The following GANC variants were observed in gnomAD, a reference collection of about 807,000 sequenced individuals.
GANC encodes neutral alpha-glucosidase C.
Under a neutral mutation model 124.2 loss-of-function variants are expected in GANC, and 117 were observed. The observed-to-expected ratio is 0.94, with a 90% CI of 0.81 to 1.10. The LOEUF (loss-of-function observed/expected upper bound fraction) is 1.10, where lower values mean the gene tolerates loss of function less well. Among genes scored for constraint, GANC ranks in the 50% least tolerant of loss-of-function variants. The pLI, the probability that GANC is intolerant of heterozygous loss-of-function variation, is 0.00. For missense variants in GANC, 1,140 were observed against 1,095.0 expected, an observed-to-expected ratio of 1.04 and a Z score of -0.58; for synonymous variants, 377 against 376.8, an observed-to-expected ratio of 1.00 and a Z score of -0.01.
intron 12 of GANC, 131 bp from the exon 13 acceptor site, chr15:42,327,231 CT>C: frequency 1.6e-6 from 1 of 642,436 alleles, no homozygotes; most frequent in Admixed American, 2.6e-5. Flanking sequence ...CAGACCATGC[CT>C]CTGTCAGCCA....
Position 42,346,772 on chromosome 15 carries a change from T to G in GANC, c.2304+940T>G, listed in dbSNP as rs538529786. Among the ~76,000 whole-genome samples the G allele has an allele frequency of 7.9e-5, 12 of 152,288 alleles. No individual in the cohort carries two copies. The South Asian group carries it at 2.5e-3, about 32-fold the overall frequency. ...TGGGCCCAGGGGAATGCATCAGTTA[T>G]GATGTTAAAATCAAAGTGGTCCATC... On this transcript the variant is annotated intron_variant, in intron 20 of 23. Transcript: ENST00000318010.
rs202199474 is a variant in GANC, at chr15:42,334,280, G to A, written c.1741+3608G>A. ...GGGTTCAAGTGATTCTCCTGCCTCAGCCTCCTGAGTGGCTGGGATTACAGG... is the reference window on the plus strand; with the variant it reads ...GGGTTCAAGTGATTCTCCTGCCTCAACCTCCTGAGTGGCTGGGATTACAGG... On this transcript the variant is annotated intron_variant, in intron 15 of 23. Coordinates refer to ENST00000318010, the MANE Select transcript of GANC (RefSeq NM_198141.3). Among the ~76,000 whole-genome samples, 591 of 151,982 alleles carry A rather than the reference G, an allele frequency of 3.9e-3. 19 individuals carry two copies. In the East Asian group the frequency reaches 0.054, roughly 14 times the overall value.
chr15:42,316,187 T>C (rs560049807), intron 10 of GANC, among the ~76,000 whole-genome samples: 1 of 152,256 alleles, frequency 6.6e-6, no homozygotes, highest in South Asian at 2.1e-4. Context: ...TTATTCACAA[T>C]TGTAGGGTCC....
At chr15:42,322,628 G>A (rs1380282553) in intron 11 of GANC, among the ~76,000 whole-genome samples, 1 of 152,082 alleles carries the variant, frequency 6.6e-6, no homozygotes, top group Non-Finnish European at 1.5e-5. Flanking sequence ...GGAGTAGCAG[G>A]GCTTGAAAAC....
chr15:42,294,129 T>C (rs1209979324), intron 5 of GANC, among the ~76,000 whole-genome samples: 1 of 151,638 alleles, frequency 6.6e-6, no homozygotes, highest in Non-Finnish European at 1.5e-5. Flanking sequence ...AAACATTGTT[T>C]TCTTTCCTAT....
chr15:42,320,471 C>G (rs981208705), intron 10 of GANC, among the ~76,000 whole-genome samples: 23 of 152,064 alleles, frequency 1.5e-4, no homozygotes, highest in African/African-American at 5.3e-4. Context: ...AGTTTTGAGA[C>G]ACAATCTCAC....
intron 10 of GANC, among the ~76,000 whole-genome samples, chr15:42,317,690 T>G (rs2052120274): frequency 6.6e-6 from 1 of 151,998 alleles, no homozygotes; most frequent in African/African-American, 2.4e-5. Context: ...GCAGCATCAT[T>G]TCTGCTGCAT....
In GANC at chr15:42,306,530, T is replaced by G. The variant is rs781468452; in HGVS notation, c.559-16T>G. 16 of 1,598,736 alleles carry G rather than the reference T, an allele frequency of 1.0e-5. No individual in the cohort carries two copies. Among genetic ancestry groups the G allele is most frequent in the Non-Finnish European group, 1.4e-5 (16 of 1,173,398 alleles). ...CAATTTGTAAACTCAGTTTGCTCCC[T>G]TTTTTGTACCAACAGGAAAATCAAG... is the stretch of plus-strand genomic sequence containing the variant. On this transcript the variant is annotated splice_polypyrimidine_tract_variant and intron_variant, in intron 6 of 23. Transcript: ENST00000318010.
chr15:42,299,164 A>G (rs2141033200), intron 6 of GANC, among the ~76,000 whole-genome samples: 1 of 152,316 alleles, frequency 6.6e-6, no homozygotes, highest in East Asian at 1.9e-4. Flanking sequence ...GAATGCTTCT[A>G]GCTTTTGCCC....
chr15:42,341,181 A>T (rs983931648), intron 18 of GANC, among the ~76,000 whole-genome samples: 14 of 152,122 alleles, frequency 9.2e-5, no homozygotes, highest in Non-Finnish European at 1.6e-4. Flanking sequence ...AAATAAAAAT[A>T]TAGGAAATTC....
At chr15:42,312,568 T>G (rs952603905) in intron 10 of GANC, among the ~76,000 whole-genome samples, 2 of 152,200 alleles carry the variant, frequency 1.3e-5, no homozygotes. Flanking sequence ...TGCCCAGTCT[T>G]GGGTATGTCT....
At chr15:42,280,815 G>A (rs557036126) in intron 3 of GANC, 6 of 630,386 alleles carry the variant, frequency 9.5e-6, no homozygotes, top group Admixed American at 7.8e-5. Flanking sequence ...TCAACACAGC[G>A]TGATACCAGT....
At chr15:42,277,143 A>G (rs1054017164) in intron 2 of GANC, among the ~76,000 whole-genome samples, 3 of 152,216 alleles carry the variant, frequency 2.0e-5, no homozygotes, top group African/African-American at 7.2e-5. Context: ...GAGTGAGATT[A>G]CTGGGTCAAA....
Position 42,320,751 on chromosome 15 carries a change from A to C in GANC, c.1058-1034A>C, listed in dbSNP as rs573837398. On this transcript the variant is annotated intron_variant, in intron 10 of 23. Transcript: ENST00000318010. ...GGTGTGAGCCACCACACCTGCCTCC[A>C]TTCATATTTCATGGTGAGGCTCTGT... Among the ~76,000 whole-genome samples the C allele has an allele frequency of 2.7e-3, 403 of 151,588 alleles. 1 individual carries two copies. The highest frequency in any genetic ancestry group is 9.4e-3 in the African/African-American group (389 of 41,392).
At chr15:42,278,104 C>T (rs1269310744) in intron 2 of GANC, 2 of 323,100 alleles carry the variant, frequency 6.2e-6, no homozygotes, top group Non-Finnish European at 6.5e-6. Context: ...CTTGTTAAAC[C>T]ACTAGATTAT....
At chr15:42,305,763 A>T (rs183284156) in intron 6 of GANC, among the ~76,000 whole-genome samples, 11 of 152,346 alleles carry the variant, frequency 7.2e-5, no homozygotes, top group African/African-American at 2.6e-4. Context: ...CTATGCAGCC[A>T]TAAAAAAGAA....
intron 8 of GANC, among the ~76,000 whole-genome samples, chr15:42,308,571 C>T (rs945691428): frequency 5.9e-5 from 9 of 152,168 alleles, no homozygotes; most frequent in South Asian, 2.1e-4. Flanking sequence ...GCAAGCTCCA[C>T]CTCCAGAGTT....
At chr15:42,291,889 CT>C (rs1398708199) in intron 4 of GANC, among the ~76,000 whole-genome samples, 1 of 152,146 alleles carries the variant, frequency 6.6e-6, no homozygotes, top group Non-Finnish European at 1.5e-5. Context: ...AGCCTCTCAG[CT>C]GTCTCCAGAG....
chr15:42,303,768 A>C (rs1051985217), intron 6 of GANC, among the ~76,000 whole-genome samples: 9 of 152,244 alleles, frequency 5.9e-5, no homozygotes, highest in Non-Finnish European at 1.0e-4. Context: ...AGGGCATTAC[A>C]TAATAGTAAA....
Sources: allele counts gnomAD v4.1 joint callset (sites outside exome capture counted in the v4.1 genomes callset), GRCh38; gene constraint gnomAD v4.1.1; transcripts MANE v1.5; gene names NCBI Gene and HGNC (gene_info 2026-07-23, HGNC 2026-07-21).